Variants in IGFL2 observed in about 807,000 individuals in gnomAD.
IGFL2 encodes the protein insulin growth factor-like family member 2.
A neutral mutation model predicts 13.9 loss-of-function variants in IGFL2; 7 were observed. The observed-to-expected ratio is 0.51, with a 90% CI of 0.29 to 0.95. The LOEUF (loss-of-function observed/expected upper bound fraction) is 0.95, where lower values mean the gene tolerates loss of function less well. Ranked by LOEUF, IGFL2 falls within the 40% of genes least tolerant of loss-of-function variation. IGFL2 has a pLI of 0.08. For missense variants in IGFL2, 138 were observed against 147.8 expected (o/e 0.93, Z 0.34); for synonymous variants, 55 against 55.8 (o/e 0.99, Z 0.07).
intron 1 of IGFL2, 54 bp from the exon 2 acceptor site, chr19:46,160,361 A>G: frequency 1.9e-6 from 3 of 1,540,996 alleles, no homozygotes; most frequent in Non-Finnish European, 1.8e-6. Context: ...CCTGAGATCA[A>G]CCTAGTGGCC....
At chr19:46,136,984 C>T in the IGFL2 span, 2 of 1,524,202 alleles carry the variant, frequency 1.3e-6, no homozygotes, top group Admixed American at 1.7e-5. Flanking sequence ...TTTTGTCCCA[C>T]ACCAACTGAC....
At chr19:46,122,087 T>C in the IGFL2 span, among the ~76,000 whole-genome samples, 1 of 151,154 alleles carries the variant, frequency 6.6e-6, no homozygotes, top group Non-Finnish European at 1.5e-5. Context: ...CTTCTTTTTC[T>C]CTGTACTGAA....
At chr19:46,156,069 A>C (rs1226660563) in intron 1 of IGFL2, among the ~76,000 whole-genome samples, 1 of 152,186 alleles carries the variant, frequency 6.6e-6, no homozygotes, top group Non-Finnish European at 1.5e-5. Context: ...CTCTTGCCTC[A>C]GCCTCCCAAA....
At chr19:46,124,455 A>T in the IGFL2 span, 5 of 1,177,548 alleles carry the variant, frequency 4.2e-6, no homozygotes, top group Non-Finnish European at 6.3e-6. Flanking sequence ...TCTGTATGGG[A>T]TCCCGTTCAG....
chr19:46,142,034 A>G (rs113354806), upstream of IGFL2, among the ~76,000 whole-genome samples: 716 of 152,260 alleles, frequency 4.7e-3, 1 homozygote, highest in Non-Finnish European at 8.3e-3. Flanking sequence ...ATACTCTCAT[A>G]ATTCTCTCTC....
At chr19:46,130,657 C>A in the IGFL2 span, among the ~76,000 whole-genome samples, 1 of 152,130 alleles carries the variant, frequency 6.6e-6, no homozygotes, top group Admixed American at 6.5e-5. Context: ...ATAAAGTGAG[C>A]AAGAACTAAG....
chr19:46,205,329 C>T, the IGFL2 span, among the ~76,000 whole-genome samples: 1 of 152,148 alleles, frequency 6.6e-6, no homozygotes, highest in Admixed American at 6.5e-5. Context: ...AAAAGGCTAC[C>T]TGGGACTAGG....
chr19:46,123,976 A>G, the IGFL2 span: 1 of 1,611,544 alleles, frequency 6.2e-7, no homozygotes, highest in South Asian at 1.1e-5. Flanking sequence ...CTGGGGGCCA[A>G]AAGACTCGGG....
intron 1 of IGFL2, among the ~76,000 whole-genome samples, chr19:46,155,515 G>GACTT (rs1568429313): frequency 6.6e-6 from 1 of 152,140 alleles, no homozygotes; most frequent in Non-Finnish European, 1.5e-5. Context: ...AATTTCCTGA[G>GACTT]ACTTAACTAG....
downstream of IGFL2, among the ~76,000 whole-genome samples, chr19:46,165,382 G>A (rs992619886): frequency 1.3e-5 from 2 of 152,184 alleles, no homozygotes; most frequent in African/African-American, 2.4e-5. Flanking sequence ...TGTTACAAAG[G>A]GGGTCCCATT....
chr19:46,146,305 C>G (rs1018662373), upstream of IGFL2, among the ~76,000 whole-genome samples: 2 of 152,136 alleles, frequency 1.3e-5, no homozygotes, highest in African/African-American at 4.8e-5. Flanking sequence ...TTCCTTTGAT[C>G]TATGTGTCTA....
At chr19:46,208,311 C>T in the IGFL2 span, 1 of 152,244 alleles carries the variant, frequency 6.6e-6, no homozygotes, top group Non-Finnish European at 1.5e-5. Flanking sequence ...TAGAGTCTCC[C>T]ATGCCTGCCC....
chr19:46,168,517 A>G, the IGFL2 span, among the ~76,000 whole-genome samples: 20 of 152,326 alleles, frequency 1.3e-4, no homozygotes, highest in East Asian at 3.7e-3. Context: ...TATTGCCACA[A>G]GTAGCTATAA....
the IGFL2 span, among the ~76,000 whole-genome samples, chr19:46,168,756 G>C: frequency 3.3e-5 from 5 of 152,162 alleles, no homozygotes; most frequent in Non-Finnish European, 7.3e-5. Flanking sequence ...CCAGGTTGCA[G>C]TTCTCAAGCT....
At chr19:46,087,880 G>T in the IGFL2 span, among the ~76,000 whole-genome samples, 1 of 152,206 alleles carries the variant, frequency 6.6e-6, no homozygotes, top group African/African-American at 2.4e-5. Context: ...GTCTAGTGGA[G>T]GTGGAGCTCA....
chr19:46,140,812 G>C (rs1176855428), upstream of IGFL2, among the ~76,000 whole-genome samples: 1 of 152,152 alleles, frequency 6.6e-6, no homozygotes. Context: ...AGCAGTCTGA[G>C]AGTTAAAAAC....
At chr19:46,164,180 C>T (rs1974287964), downstream of IGFL2, 2 of 152,160 alleles carry the variant, frequency 1.3e-5, no homozygotes, top group African/African-American at 2.4e-5. Context: ...GCCCGTCTCT[C>T]CCTCTGGGAG....
At chr19:46,200,141 C>T in the IGFL2 span, among the ~76,000 whole-genome samples, 7 of 151,970 alleles carry the variant, frequency 4.6e-5, no homozygotes, top group Admixed American at 1.3e-4. Context: ...TGTGAGCCAC[C>T]GCACCTGCCC....
At chr19:46,083,270 T>C in the IGFL2 span, among the ~76,000 whole-genome samples, 250 of 152,272 alleles carry the variant, frequency 1.6e-3, no homozygotes, top group African/African-American at 5.8e-3. Context: ...GGTGAAAAGT[T>C]GGGAACAACT....
Sources: gnomAD v4.1 joint callset for allele counts (sites outside exome capture counted in the v4.1 genomes callset) on GRCh38, gnomAD v4.1.1 for gene constraint, MANE v1.5 for transcripts, NCBI Gene and HGNC (gene_info 2026-07-23, HGNC 2026-07-21) for gene names.